MTPAP: variants seen among roughly 807,000 people sequenced by gnomAD.
The protein encoded by MTPAP is mitochondrial poly(A) polymerase.
MTPAP carries 23 observed loss-of-function variants against 48.7 expected under a neutral mutation model. The ratio of observed to expected loss-of-function variants is 0.47; its 90% CI spans 0.34 to 0.67. The LOEUF (loss-of-function observed/expected upper bound fraction) is 0.67, where lower values mean the gene tolerates loss of function less well. Among genes scored for constraint, MTPAP ranks in the 30% least tolerant of loss-of-function variants. The probability of loss-of-function intolerance (pLI) is 0.01; values close to 1 mark genes in which losing one functional copy is unlikely to be tolerated. For missense variants in MTPAP, 614 were observed against 694.3 expected (o/e 0.88, Z 1.30); for synonymous variants, 257 against 254.1 (o/e 1.01, Z -0.11).
Position 30,336,413 on chromosome 10 carries a change from A to G in MTPAP, c.780+390T>C, listed in dbSNP as rs923828753. ...TTTGGATAAAACAAAAATCAAAAGA[A>G]TTTTAAAGAGAAATTAACAAAACCA... On this transcript the variant is annotated intron_variant, in intron 4 of 8. Coordinates refer to ENST00000263063, the MANE Select transcript of MTPAP (RefSeq NM_018109.4). Among the ~76,000 whole-genome samples the G allele has an allele frequency of 2.6e-5, 4 of 152,180 alleles. No homozygotes were observed. In the South Asian group the frequency reaches 6.2e-4, roughly 24 times the overall value.
rs1355517992 is a variant in MTPAP at position 30,340,227 on chromosome 10, C to T, written c.554G>A (p.Ser185Asn). The T allele has an allele frequency of 3.1e-6, 5 of 1,611,816 alleles. No homozygotes were observed. Among genetic ancestry groups the T allele is most frequent in the Non-Finnish European group, 4.2e-6 (5 of 1,177,870 alleles). ...GTTGAGGTACACCTAAAAACTTACA[C>T]TTTCTGCATAACAAAGTAATTCAAA... is the stretch of plus-strand genomic sequence containing the variant. ...QLFELLCYAE[S>N]IDDQLNTLLK... The change falls in exon 3 of 9, where the codon AGT becomes AAT. Residue 185 changes from serine to asparagine, a missense_variant and splice_region_variant. Around this residue, in one of 5 missense-constraint regions of MTPAP, gnomAD observed 114 missense variants for 107.9 expected, o/e 1.06. Coordinates refer to ENST00000263063, the MANE Select transcript of MTPAP (RefSeq NM_018109.4).
intron 6 of MTPAP, among the ~76,000 whole-genome samples, chr10:30,322,151 A>C (rs73252714): frequency 2.0e-5 from 3 of 152,216 alleles, no homozygotes; most frequent in Non-Finnish European, 4.4e-5. Context: ...AGCTCCAGCT[A>C]TCTCACAACT....
chr10:30,343,670 C>T (rs1383062744), intron 1 of MTPAP, among the ~76,000 whole-genome samples: 2 of 152,034 alleles, frequency 1.3e-5, no homozygotes, highest in East Asian at 1.9e-4. Context: ...CAGGTTCAAG[C>T]GATTCTCATG....
intron 1 of MTPAP, among the ~76,000 whole-genome samples, chr10:30,342,088 T>C (rs936567834): frequency 1.3e-5 from 2 of 151,882 alleles, no homozygotes; most frequent in Non-Finnish European, 2.9e-5. Context: ...ATACAAAAAT[T>C]AGCCAGGCAT....
intron 1 of MTPAP, among the ~76,000 whole-genome samples, chr10:30,342,150 C>G (rs1026708976): frequency 6.6e-6 from 1 of 152,116 alleles, no homozygotes; most frequent in Non-Finnish European, 1.5e-5. Context: ...ACAGGAGAAT[C>G]ACTTGAAACC....
At chr10:30,340,176 TCATAAAAAAA>T (rs1834782624) in intron 3 of MTPAP, 40 bp downstream of exon 3, 1 of 1,398,600 alleles carries the variant, frequency 7.2e-7, no homozygotes, top group African/African-American at 1.4e-5. Flanking sequence ...TCTTTATTGT[TCATAAAAAAA>T]TACATAGTTC....
At position 30,315,937 on chromosome 10, in the gene MTPAP, T is replaced by C. The variant is rs541598487; in HGVS notation, c.1386+26A>G. The C allele has an allele frequency of 9.1e-6, 14 of 1,545,480 alleles. No homozygotes were observed. The South Asian group carries it at 1.0e-4, about 11-fold the overall frequency. On this transcript the variant is annotated intron_variant, in intron 8 of 8. Transcript: ENST00000263063. Reference sequence around the variant, plus strand: ...AGTACAGTGGAAGACCAGATACTAATAACTAAATAGTAAAACATTATTTAC... The same window carrying C: ...AGTACAGTGGAAGACCAGATACTAACAACTAAATAGTAAAACATTATTTAC...
intron 1 of MTPAP, among the ~76,000 whole-genome samples, chr10:30,348,352 G>A (rs886290273): frequency 6.6e-6 from 1 of 152,180 alleles, no homozygotes; most frequent in Admixed American, 6.5e-5. Flanking sequence ...TTGACTAGAA[G>A]TCTAAATTAA....
intron 4 of MTPAP, among the ~76,000 whole-genome samples, chr10:30,327,763 T>C (rs1834616043): frequency 6.6e-6 from 1 of 151,514 alleles, no homozygotes; most frequent in Non-Finnish European, 1.5e-5. Flanking sequence ...AGAGAATCAC[T>C]TGAACCTGGA....
chr10:30,324,050 G>A (rs527922460), intron 5 of MTPAP, among the ~76,000 whole-genome samples: 52 of 152,188 alleles, frequency 3.4e-4, no homozygotes, highest in Admixed American at 5.2e-4. Flanking sequence ...GTGTGGTGTC[G>A]CACACCTGTA....
chr10:30,341,373 C>G, intron 2 of MTPAP, 95 bp downstream of exon 2: 2 of 1,483,794 alleles, frequency 1.3e-6, no homozygotes, highest in Non-Finnish European at 1.8e-6. Flanking sequence ...AACCTACCTA[C>G]CATATTGCAA....
In MTPAP at chr10:30,312,255, C is replaced by T. The variant is rs1294521127; in HGVS notation, c.*1354G>A. On this transcript the variant is annotated 3_prime_UTR_variant, in exon 9 of 9. Transcript: ENST00000263063. ...TTCAACTGCGAAGTCCATTTACACA[C>T]AGATTTTTTCCAACCAAACTTGGAT... 1 of 152,142 alleles carries T rather than the reference C, an allele frequency of 6.6e-6. No homozygotes were observed. The highest frequency in any genetic ancestry group is 2.4e-5 in the African/African-American group (1 of 41,442). 9.4% of individuals were successfully genotyped at this position (152,142 alleles called of 1,614,324 possible).
At chr10:30,346,633 G>A (rs2689210) in intron 1 of MTPAP, among the ~76,000 whole-genome samples, 129,309 of 152,164 alleles carry the variant, frequency 0.85, 55,063 homozygotes, top group East Asian at 0.89. Context: ...AATAAGCTGG[G>A]TAGCCTCCTG....
At chr10:30,341,333 T>C in intron 2 of MTPAP, 135 bp downstream of exon 2, 1 of 1,130,354 alleles carries the variant, frequency 8.8e-7, no homozygotes, top group Non-Finnish European at 1.2e-6. Flanking sequence ...TAAAGAAATC[T>C]AGATAAAGAA....
Position 30,322,540 on chromosome 10 carries a change from A to G in MTPAP, c.1070T>C (p.Val357Ala), listed in dbSNP as rs1840737495. Residue 357 changes from valine (V) to alanine (A), a missense_variant, in exon 6 of 9, where the codon GTA becomes GCA. This residue lies in a region of MTPAP where 261 missense variants were observed against 355.4 expected (regional missense o/e 0.73). Transcript: ENST00000263063. ...TGAATGTGCTCGAGCCCAGCACCGT[A>G]CACTGAACACCAAGGCTCTCACTCT... is the stretch of plus-strand genomic sequence containing the variant. The part of the protein sequence containing the change: ...DSRVRALVFS[V>A]RCWARAHSLT... The G allele has an allele frequency of 6.2e-7, 1 of 1,614,014 alleles. No individual in the cohort carries two copies. The highest frequency in any genetic ancestry group is 1.3e-5 in the African/African-American group (1 of 74,922).
At chr10:30,320,115 G>A (rs1026155812) in intron 6 of MTPAP, among the ~76,000 whole-genome samples, 5 of 152,182 alleles carry the variant, frequency 3.3e-5, no homozygotes, top group Non-Finnish European at 7.3e-5. Flanking sequence ...TAAAAAATTA[G>A]CTGAGTGAGT....
chr10:30,342,560 A>AAC (rs397695973), intron 1 of MTPAP, among the ~76,000 whole-genome samples: 2 of 148,062 alleles, frequency 1.4e-5, no homozygotes, highest in African/African-American at 5.1e-5. Flanking sequence ...AAAAAAAAAA[A>AAC]CCAGGAAACT....
intron 4 of MTPAP, among the ~76,000 whole-genome samples, chr10:30,330,257 A>G (rs1051347428): frequency 1.3e-5 from 2 of 152,164 alleles, no homozygotes; most frequent in African/African-American, 4.8e-5. Context: ...TTCCTTAGCC[A>G]TTTTGTTATA....
chr10:30,346,042 A>C (rs1034448858), intron 1 of MTPAP, among the ~76,000 whole-genome samples: 4 of 150,396 alleles, frequency 2.7e-5, no homozygotes, highest in Non-Finnish European at 5.9e-5. Flanking sequence ...CCTTCTCAAA[A>C]GAAAAAAAAA....
Sources: allele counts gnomAD v4.1 joint callset (sites outside exome capture counted in the v4.1 genomes callset), GRCh38; gene constraint gnomAD v4.1.1; regional missense constraint gnomAD v4.1.1; transcripts MANE v1.5; gene names NCBI Gene and HGNC (gene_info 2026-07-23, HGNC 2026-07-21).